JPH3: variants seen among roughly 807,000 people sequenced by gnomAD.
JPH3 encodes the protein junctophilin-3.
JPH3 carries 11 observed loss-of-function variants against 59.6 expected under a neutral mutation model. The ratio of observed to expected loss-of-function variants is 0.18; its 90% CI spans 0.12 to 0.31. The LOEUF (loss-of-function observed/expected upper bound fraction) is 0.31. JPH3 is among the 10% of genes least tolerant of loss of function. The pLI, the probability that JPH3 is intolerant of heterozygous loss-of-function variation, is 1.00. For synonymous variants in JPH3, 673 were observed against 483.6 expected, an observed-to-expected ratio of 1.39 and a Z score of -5.14; for missense variants, 1,202 against 1,105.7, an observed-to-expected ratio of 1.09 and a Z score of -1.24.
chr16:87,680,269 G>A (rs2033253602), intron 2 of JPH3, among the ~76,000 whole-genome samples: 1 of 152,320 alleles, frequency 6.6e-6, no homozygotes. Flanking sequence ...ACATTGGTAA[G>A]ACTGGCTGGA....
At chr16:87,655,147 A>C (rs2032453145) in intron 2 of JPH3, 1 of 152,040 alleles carries the variant, frequency 6.6e-6, no homozygotes, top group Non-Finnish European at 1.5e-5. Context: ...ATCGGCAGTA[A>C]CCGCGGAGAT....
intron 3 of JPH3, among the ~76,000 whole-genome samples, chr16:87,684,761 C>G (rs2033376331): frequency 6.6e-6 from 1 of 152,200 alleles, no homozygotes; most frequent in African/African-American, 2.4e-5. Flanking sequence ...CAAATGGCAG[C>G]TCCCGCTGTG....
chr16:87,638,502 G>A (rs1291695741), intron 1 of JPH3, among the ~76,000 whole-genome samples: 1 of 152,162 alleles, frequency 6.6e-6, no homozygotes, highest in Non-Finnish European at 1.5e-5. Context: ...TGAAGGGGCG[G>A]CCTCAAGAAT....
At chr16:87,628,032 G>A (rs914441353) in intron 1 of JPH3, among the ~76,000 whole-genome samples, 2 of 152,248 alleles carry the variant, frequency 1.3e-5, no homozygotes, top group Non-Finnish European at 2.9e-5. Context: ...GCAGGACTGG[G>A]AGGGACACCC....
At chr16:87,658,517 C>T (rs1490920899) in intron 2 of JPH3, among the ~76,000 whole-genome samples, 1 of 152,120 alleles carries the variant, frequency 6.6e-6, no homozygotes, top group Non-Finnish European at 1.5e-5. Context: ...TTCTCTGTCA[C>T]TCCGTTTCTG....
Position 87,696,765 on chromosome 16 carries a change from G to A in JPH3, c.*105G>A, listed in dbSNP as rs906440418. 6 of 872,148 alleles carry A rather than the reference G, an allele frequency of 6.9e-6. No individual in the cohort carries two copies. Among genetic ancestry groups the A allele is most frequent in the South Asian group, 5.6e-5 (4 of 71,700 alleles). The allele number at this position is 872,148 out of a possible 1,614,324, so 54.0% of individuals were successfully genotyped here. On this transcript the variant is annotated 3_prime_UTR_variant, in exon 5 of 5. Transcript: ENST00000284262. ...AAGACCGCAACTCGGACAGCCCAGC[G>A]ACTTCCAAGTCCTCTCACAGAAGAA...
chr16:87,673,255 C>A (rs1337483718), intron 2 of JPH3, among the ~76,000 whole-genome samples: 1 of 151,436 alleles, frequency 6.6e-6, no homozygotes, highest in Non-Finnish European at 1.5e-5. Flanking sequence ...CTCTTAATAA[C>A]AGAAATGTAA....
intron 2 of JPH3, among the ~76,000 whole-genome samples, chr16:87,655,904 C>T (rs531333651): frequency 2.0e-4 from 31 of 152,362 alleles, no homozygotes; most frequent in African/African-American, 7.2e-4. Context: ...TCTCACTTGC[C>T]ACTCTGCTGC....
chr16:87,638,525 G>A (rs1277655790), intron 1 of JPH3, among the ~76,000 whole-genome samples: 1 of 152,154 alleles, frequency 6.6e-6, no homozygotes, highest in Non-Finnish European at 1.5e-5. Context: ...TGCCGGAACA[G>A]TGAACATGAG....
At chr16:87,696,395 C>T (rs1243218718) in intron 4 of JPH3, 185 bp from the exon 5 acceptor site, 6 of 605,518 alleles carry the variant, frequency 9.9e-6, no homozygotes, top group Non-Finnish European at 1.5e-5. Context: ...TTCTCTCCCG[C>T]GTCTGGACTT....
At position 87,697,241 on chromosome 16, in the gene JPH3, G is replaced by A. The variant is rs181425469; in HGVS notation, c.*581G>A. ...CACACCTGAGGGAGGGGGAGGGATCGGCCACCTCCTCCCTGTGAGACGGAT... is the reference window on the plus strand; with the variant it reads ...CACACCTGAGGGAGGGGGAGGGATCAGCCACCTCCTCCCTGTGAGACGGAT... On this transcript the variant is annotated 3_prime_UTR_variant, in exon 5 of 5. Transcript: ENST00000284262. 1,152 of 154,638 alleles carry A rather than the reference G, an allele frequency of 7.4e-3. 5 individuals are homozygous for A. The highest frequency in any genetic ancestry group is 0.012 in the Non-Finnish European group (813 of 69,430). 9.6% of individuals were successfully genotyped at this position (154,638 alleles called of 1,614,324 possible). A position where few individuals can be genotyped will look rare whatever the true frequency, so the allele number is the denominator to read the frequency against.
intron 2 of JPH3, among the ~76,000 whole-genome samples, chr16:87,663,115 C>CTTTTTT (rs60196379): frequency 1.5e-4 from 22 of 143,482 alleles, no homozygotes; most frequent in Middle Eastern, 3.4e-3. Context: ...TAATTTCTTT[C>CTTTTTT]TTTTTTTTTT....
intron 2 of JPH3, among the ~76,000 whole-genome samples, chr16:87,665,922 C>G (rs2032846367): frequency 6.6e-6 from 1 of 152,208 alleles, no homozygotes; most frequent in Admixed American, 6.5e-5. Context: ...CCCCAGGTAG[C>G]TGGCTGGCTT....
In JPH3 at chr16:87,644,939, G is replaced by A. The variant is rs370880429; in HGVS notation, c.1064G>A (p.Arg355Gln). The part of the protein sequence containing the change: ...GGKRKNLIPL[R>Q]ASKIREKVDR... ...AAGCGCAAGAACCTCATCCCCCTGCGGGCCAGCAAGATCCGCGAGAAGGTG... is the reference window on the plus strand; with the variant it reads ...AAGCGCAAGAACCTCATCCCCCTGCAGGCCAGCAAGATCCGCGAGAAGGTG... The change falls in exon 2 of 5, where the codon CGG becomes CAG. Residue 355 changes from arginine (R) to glutamine (Q), a missense_variant. Transcript: ENST00000284262. 3.7e-6 allele frequency: 6 copies of A among 1,612,178 alleles called. No individual in the cohort carries two copies. The highest frequency in any genetic ancestry group is 3.4e-6 in the Non-Finnish European group (4 of 1,179,932).
intron 3 of JPH3, among the ~76,000 whole-genome samples, chr16:87,688,399 C>G (rs2033469492): frequency 6.6e-6 from 1 of 152,220 alleles, no homozygotes; most frequent in South Asian, 2.1e-4. Context: ...CGTCTCTTTA[C>G]AAACGGAGGG....
chr16:87,606,501 A>T (rs2030526919), intron 1 of JPH3, among the ~76,000 whole-genome samples: 1 of 152,146 alleles, frequency 6.6e-6, no homozygotes, highest in African/African-American at 2.4e-5. Flanking sequence ...TGTGGGGTAC[A>T]GGCACACTTG....
Position 87,697,162 on chromosome 16 carries a change from TG to T in JPH3, c.*504del, listed in dbSNP as rs1177640764. ...TATGGGCAGGAGGCATGGGGCAGGG[TG>T]GCCCACCCCAGTGGGCAGTAGCCTG... On this transcript the variant is annotated 3_prime_UTR_variant, in exon 5 of 5. Coordinates refer to ENST00000284262, the MANE Select transcript of JPH3 (RefSeq NM_020655.4). The T allele has an allele frequency of 5.3e-6, 1 of 187,748 alleles. No individual in the cohort carries two copies. The highest frequency in any genetic ancestry group is 5.4e-5 in the Admixed American group (1 of 18,614). The allele number at this position is 187,748 out of a possible 1,614,324, so 11.6% of individuals were successfully genotyped here.
chr16:87,690,664 C>T (rs752341039), intron 4 of JPH3, 138 bp downstream of exon 4: 19 of 953,030 alleles, frequency 2.0e-5, no homozygotes, highest in African/African-American at 1.2e-4. Flanking sequence ...GGGGTACAGC[C>T]GGGAGTGGTG....
chr16:87,651,988 G>C (rs1429652117), intron 2 of JPH3, among the ~76,000 whole-genome samples: 1 of 146,874 alleles, frequency 6.8e-6, no homozygotes, highest in Non-Finnish European at 1.5e-5. Context: ...TTTTTGTTTT[G>C]TTTTGAGATG....
Sources: allele counts gnomAD v4.1 joint callset (sites outside exome capture counted in the v4.1 genomes callset), GRCh38; gene constraint gnomAD v4.1.1; transcripts MANE v1.5; gene names NCBI Gene and HGNC (gene_info 2026-07-23, HGNC 2026-07-21).